Variants in CEP83 observed in about 807,000 individuals in gnomAD.
CEP83 encodes centrosomal protein 83.
A neutral mutation model predicts 101.9 loss-of-function variants in CEP83; 70 were observed. That is an observed-to-expected ratio of 0.69 (90% confidence interval 0.57 to 0.84). The LOEUF (loss-of-function observed/expected upper bound fraction) is 0.84, where lower values mean the gene tolerates loss of function less well. Ranked by LOEUF, CEP83 falls within the 40% of genes least tolerant of loss-of-function variation. The pLI, the probability that CEP83 is intolerant of heterozygous loss-of-function variation, is 0.00. For missense variants in CEP83, 715 were observed against 787.2 expected (o/e 0.91, Z 1.10); for synonymous variants, 264 against 267.9 (o/e 0.99, Z 0.14).
At chr12:94,406,935 A>AC (rs903565394) in intron 4 of CEP83, among the ~76,000 whole-genome samples, 99 of 152,030 alleles carry the variant, frequency 6.5e-4, no homozygotes, top group African/African-American at 2.2e-3. Flanking sequence ...TCAAAACAAA[A>AC]AAAAAAAAAC....
the CEP83 span, among the ~76,000 whole-genome samples, chr12:94,288,796 C>T: frequency 6.6e-6 from 1 of 152,202 alleles, no homozygotes; most frequent in Admixed American, 6.5e-5. Flanking sequence ...CACGTGGCTG[C>T]TGGGACAGCA....
chr12:94,451,910 C>T (rs1480579251), intron 1 of CEP83, among the ~76,000 whole-genome samples: 1 of 152,128 alleles, frequency 6.6e-6, no homozygotes, highest in Admixed American at 6.5e-5. Flanking sequence ...TGTCTATCAC[C>T]TAGTGAATGG....
intron 11 of CEP83, among the ~76,000 whole-genome samples, chr12:94,364,498 C>T (rs937430824): frequency 1.3e-5 from 2 of 152,078 alleles, no homozygotes; most frequent in Non-Finnish European, 2.9e-5. Flanking sequence ...AATAATGGTA[C>T]AGGCGCCTAA....
chr12:94,373,486 AGAGATGGTACTTAAATCTT>A (rs1331401137), intron 8 of CEP83, among the ~76,000 whole-genome samples: 2 of 152,234 alleles, frequency 1.3e-5, no homozygotes, highest in African/African-American at 4.8e-5. Context: ...CAGATTCCAA[AGAGATGGTACTTAAATCTT>A]GATCTTTTTC....
intron 4 of CEP83, among the ~76,000 whole-genome samples, chr12:94,409,621 G>A (rs1259833617): frequency 1.3e-5 from 2 of 152,134 alleles, no homozygotes; most frequent in African/African-American, 4.8e-5. Flanking sequence ...TTCCTAGGTT[G>A]CCATAATAAA....
intron 11 of CEP83, among the ~76,000 whole-genome samples, chr12:94,342,777 A>G (rs1032008132): frequency 2.0e-4 from 30 of 152,012 alleles, no homozygotes; most frequent in African/African-American, 6.5e-4. Context: ...GTATCAGACA[A>G]GTCAAGCAAA....
intron 3 of CEP83, 59 bp downstream of exon 3, chr12:94,412,259 C>A: frequency 7.3e-7 from 1 of 1,362,906 alleles, no homozygotes; most frequent in Non-Finnish European, 1.0e-6. Context: ...AACATTCAGC[C>A]AAGATAATGC....
intron 2 of CEP83, chr12:94,423,873 A>C: frequency 6.2e-7 from 1 of 1,612,366 alleles, no homozygotes; most frequent in Non-Finnish European, 8.5e-7. Context: ...TGGGAGATGT[A>C]AGCTCCTTGC....
intron 2 of CEP83, among the ~76,000 whole-genome samples, chr12:94,422,127 C>A (rs2137999353): frequency 6.6e-6 from 1 of 152,332 alleles, no homozygotes; most frequent in South Asian, 2.1e-4. Flanking sequence ...TTACTTCCTC[C>A]TTTCCTTTGT....
chr12:94,413,074 G>A (rs983286148), intron 2 of CEP83, among the ~76,000 whole-genome samples: 4 of 151,736 alleles, frequency 2.6e-5, no homozygotes, highest in African/African-American at 9.7e-5. Context: ...AGCTGGTCTC[G>A]AACTCCTGAC....
the CEP83 span, among the ~76,000 whole-genome samples, chr12:94,301,269 C>A: frequency 1.3e-5 from 2 of 152,178 alleles, no homozygotes. Context: ...ATTAGCCCCA[C>A]CCAACTGCAG....
chr12:94,271,484 G>T, the CEP83 span, among the ~76,000 whole-genome samples: 3 of 152,234 alleles, frequency 2.0e-5, no homozygotes, highest in Non-Finnish European at 2.9e-5. Flanking sequence ...GGTAAAACCG[G>T]TAGTGAAAGG....
rs765355419 is a variant in CEP83 at position 94,379,043 on chromosome 12, CTAA to C, written c.550-4_550-2del. 2.5e-6 allele frequency: 4 copies of C among 1,592,132 alleles called. No individual in the cohort carries two copies. Among genetic ancestry groups the C allele is most frequent in the East Asian group, 2.2e-5 (1 of 44,642 alleles). ...CTTTATCTTCCTCCAGTCTTGCAAT[CTAA>C]TAATAATTTTAAAGAAAGCATACAA... On this transcript the variant is annotated splice_acceptor_variant and splice_polypyrimidine_tract_variant and intron_variant, in intron 6 of 16. Coordinates refer to ENST00000397809, the MANE Select transcript of CEP83 (RefSeq NM_016122.3). LOFTEE classifies it high-confidence loss of function.
chr12:94,362,261 C>A (rs1394009472), intron 11 of CEP83, among the ~76,000 whole-genome samples: 2 of 152,088 alleles, frequency 1.3e-5, no homozygotes, highest in East Asian at 3.8e-4. Flanking sequence ...GACTCTAATA[C>A]ACTGTTAGTG....
At chr12:94,363,081 T>C (rs2060851466) in intron 11 of CEP83, among the ~76,000 whole-genome samples, 1 of 152,190 alleles carries the variant, frequency 6.6e-6, no homozygotes, top group Non-Finnish European at 1.5e-5. Context: ...AAATTACTAT[T>C]GGATAGGAAG....
chr12:94,411,828 T>G lies in CEP83; in HGVS notation c.193A>C (p.Lys65Gln), dbSNP rs2063901178. The G allele has an allele frequency of 1.9e-6, 3 of 1,611,276 alleles. No individual in the cohort carries two copies. The highest frequency in any genetic ancestry group is 2.5e-6 in the Non-Finnish European group (3 of 1,179,318). The stretch of plus-strand genomic sequence containing the variant: ...AGGTGCTTGAGTTCATTTTGTAACT[T>G]TACATGTTCATTCTGCAACCTGGTT... ...EHTRLQNEHV[K>Q]LQNELKHLFN... Residue 65 changes from lysine to glutamine, a missense_variant, in exon 4 of 17, where the codon AAG (lysine) becomes CAG (glutamine). By Grantham distance (53) the Lys-to-Gln change is moderately conservative. Transcript: ENST00000397809.
At chr12:94,449,173 A>G (rs2067035369) in intron 1 of CEP83, among the ~76,000 whole-genome samples, 1 of 152,178 alleles carries the variant, frequency 6.6e-6, no homozygotes, top group African/African-American at 2.4e-5. Context: ...TAGATAATTT[A>G]TATGAAATGG....
chr12:94,418,231 A>G (rs1593888163), intron 2 of CEP83, among the ~76,000 whole-genome samples: 1 of 151,962 alleles, frequency 6.6e-6, no homozygotes, highest in African/African-American at 2.4e-5. Flanking sequence ...GTGATGTGGC[A>G]TGCGCCTGTA....
At chr12:94,368,400 T>G (rs2061127613) in intron 9 of CEP83, 199 bp from the exon 10 acceptor site, 1 of 529,642 alleles carries the variant, frequency 1.9e-6, no homozygotes, top group African/African-American at 1.9e-5. Context: ...AGAGCAAATT[T>G]TCCTGTCACT....
Sources: gnomAD v4.1 joint callset for allele counts (sites outside exome capture counted in the v4.1 genomes callset) on GRCh38, gnomAD v4.1.1 for gene constraint, MANE v1.5 for transcripts, NCBI Gene and HGNC (gene_info 2026-07-23, HGNC 2026-07-21) for gene names.